TMEM117: variants seen among roughly 807,000 people sequenced by gnomAD.
The protein encoded by TMEM117 is transmembrane protein 117.
TMEM117 carries 27 observed loss-of-function variants against 52.4 expected under a neutral mutation model. The ratio of observed to expected loss-of-function variants is 0.51; its 90% CI spans 0.38 to 0.71. The LOEUF (loss-of-function observed/expected upper bound fraction) is 0.71, where lower values mean the gene tolerates loss of function less well. Among genes scored for constraint, TMEM117 ranks in the 30% least tolerant of loss-of-function variants. TMEM117 has a pLI of 0.00. For synonymous variants in TMEM117, 215 were observed against 206.3 expected (o/e 1.04, Z -0.36); for missense variants, 556 against 630.5 (o/e 0.88, Z 1.26).
chr12:44,235,820 C>G (rs1419607810), intron 5 of TMEM117, among the ~76,000 whole-genome samples: 12 of 151,666 alleles, frequency 7.9e-5, no homozygotes, highest in Admixed American at 7.9e-4. Flanking sequence ...TATAGTCATT[C>G]CAAGGTAGTC....
intron 3 of TMEM117, among the ~76,000 whole-genome samples, chr12:43,971,335 T>C (rs2137691927): frequency 6.6e-6 from 1 of 152,326 alleles, no homozygotes; most frequent in East Asian, 1.9e-4. Flanking sequence ...CTTATCATTG[T>C]CTTCAAAATT....
At chr12:44,214,138 ATT>A (rs773352634) in intron 5 of TMEM117, among the ~76,000 whole-genome samples, 5,850 of 98,754 alleles carry the variant, frequency 0.059, 176 homozygotes, top group Middle Eastern at 0.13. Context: ...TTTTTTTTTA[ATT>A]TTTTTTTTTT....
At chr12:44,129,312 C>G (rs1326655895) in intron 3 of TMEM117, among the ~76,000 whole-genome samples, 2 of 152,174 alleles carry the variant, frequency 1.3e-5, no homozygotes, top group East Asian at 1.9e-4. Flanking sequence ...TTGGAGACGT[C>G]TCATCATTCT....
chr12:44,141,565 T>C (rs1037584606), intron 3 of TMEM117, among the ~76,000 whole-genome samples: 1 of 152,138 alleles, frequency 6.6e-6, no homozygotes, highest in Non-Finnish European at 1.5e-5. Context: ...ACAGGGAATA[T>C]ACCCTAAAAT....
At chr12:44,277,249 A>T (rs1950525582) in intron 5 of TMEM117, among the ~76,000 whole-genome samples, 1 of 152,094 alleles carries the variant, frequency 6.6e-6, no homozygotes, top group Non-Finnish European at 1.5e-5. Flanking sequence ...AATCCTTCTT[A>T]GTTGATCTTA....
the TMEM117 span, among the ~76,000 whole-genome samples, chr12:43,822,984 T>C: frequency 5.9e-5 from 9 of 152,180 alleles, no homozygotes; most frequent in Non-Finnish European, 1.2e-4. Context: ...ATTAGACTTA[T>C]TGTACAAATG....
At chr12:44,022,629 A>AG (rs1291732091) in intron 3 of TMEM117, among the ~76,000 whole-genome samples, 1 of 152,180 alleles carries the variant, frequency 6.6e-6, no homozygotes, top group African/African-American at 2.4e-5. Flanking sequence ...GATGTTGAGG[A>AG]GGGGGTGATA....
At chr12:44,336,275 A>G (rs1471870429) in intron 6 of TMEM117, among the ~76,000 whole-genome samples, 1 of 152,052 alleles carries the variant, frequency 6.6e-6, no homozygotes, top group East Asian at 1.9e-4. Flanking sequence ...GAAGAGAATA[A>G]TAATTCAGTA....
At chr12:43,977,076 T>C (rs1043808025) in intron 3 of TMEM117, among the ~76,000 whole-genome samples, 1 of 152,126 alleles carries the variant, frequency 6.6e-6, no homozygotes, top group African/African-American at 2.4e-5. Flanking sequence ...ATCTAAGAGA[T>C]GAGCCTAATA....
At chr12:44,359,246 CAA>C (rs1016196671) in intron 6 of TMEM117, among the ~76,000 whole-genome samples, 2 of 149,216 alleles carry the variant, frequency 1.3e-5, no homozygotes, top group African/African-American at 2.5e-5. Context: ...GAGAAAATAA[CAA>C]AGTGTCTAGA....
chr12:44,283,496 G>C (rs1390444131), intron 5 of TMEM117, among the ~76,000 whole-genome samples: 1 of 152,106 alleles, frequency 6.6e-6, no homozygotes, highest in East Asian at 1.9e-4. Flanking sequence ...AAATTTGACT[G>C]CCCCACTGGA....
At chr12:43,925,609 C>A (rs1363002212) in intron 2 of TMEM117, among the ~76,000 whole-genome samples, 2 of 152,156 alleles carry the variant, frequency 1.3e-5, no homozygotes, top group Non-Finnish European at 2.9e-5. Flanking sequence ...AGGGTTTCCA[C>A]ATTTATAAGC....
At chr12:43,892,535 G>A (rs1303248475) in intron 2 of TMEM117, among the ~76,000 whole-genome samples, 2 of 152,184 alleles carry the variant, frequency 1.3e-5, no homozygotes, top group African/African-American at 4.8e-5. Context: ...GTTCCCAGAT[G>A]CCAGCCAAGG....
At chr12:44,259,451 A>G (rs1950296818) in intron 5 of TMEM117, among the ~76,000 whole-genome samples, 1 of 152,162 alleles carries the variant, frequency 6.6e-6, no homozygotes, top group Non-Finnish European at 1.5e-5. Flanking sequence ...CTCACTGCGC[A>G]AATACTTTTC....
intron 3 of TMEM117, among the ~76,000 whole-genome samples, chr12:44,006,670 G>A (rs1020441000): frequency 6.6e-6 from 1 of 152,096 alleles, no homozygotes; most frequent in African/African-American, 2.4e-5. Flanking sequence ...GATGGCTGGG[G>A]GCGGGGAAAC....
intron 3 of TMEM117, chr12:44,010,090 A>T: frequency 2.2e-6 from 1 of 464,804 alleles, no homozygotes; most frequent in Admixed American, 2.2e-5. Flanking sequence ...TCTCCCACAT[A>T]GCCCCCATCT....
chr12:43,958,502 T>TTTTGAAAATAAATGTTACTATTTA (rs199853969), intron 3 of TMEM117, among the ~76,000 whole-genome samples: 30 of 152,310 alleles, frequency 2.0e-4, no homozygotes, highest in African/African-American at 7.0e-4. Flanking sequence ...ATACAGGCAA[T>TTTTGAAAATAAATGTTACTATTTA]TTTGAAAATA....
rs201903071 is a variant in TMEM117, at chr12:44,388,350, G to C, written c.1223G>C (p.Gly408Ala). Residue 408 changes from glycine to alanine, a missense_variant, in exon 8 of 8, where the codon GGA becomes GCA. Physicochemically the swap from Gly to Ala is moderately conservative, Grantham distance 60. Around this residue, in one of 3 missense-constraint regions of TMEM117, gnomAD observed 206 missense variants for 211.1 expected, o/e 0.98. Coordinates refer to ENST00000266534, the MANE Select transcript of TMEM117 (RefSeq NM_032256.3). ...AGCCTGATAGCCTTTGTGTGGTTTG[G>C]ATTCTTTATTTGGTTCTTTGGACGA... is the stretch of plus-strand genomic sequence containing the variant. ...VPSLIAFVWF[G>A]FFIWFFGRFL... 1.1e-5 allele frequency: 18 copies of C among 1,613,490 alleles called. 1 individual carries two copies. In the South Asian group the frequency reaches 1.6e-4, roughly 15 times the overall value.
rs151170731 is a variant in TMEM117 at position 43,846,850 on chromosome 12, T to TAC, written c.277+1932_277+1933dup. ...GAATAAATAAATAAATAACTATCCG[T>TAC]ACACACACACATACACGTAGTATTA... On this transcript the variant is annotated intron_variant, in intron 2 of 7. Transcript: ENST00000266534. Among the ~76,000 whole-genome samples the TAC allele has an allele frequency of 8.7e-3, 1,323 of 152,230 alleles. 36 individuals are homozygous for TAC. Among genetic ancestry groups the TAC allele is most frequent in the East Asian group, 0.067 (346 of 5,188 alleles).
Sources: allele counts gnomAD v4.1 joint callset (sites outside exome capture counted in the v4.1 genomes callset), GRCh38; gene constraint gnomAD v4.1.1; regional missense constraint gnomAD v4.1.1; transcripts MANE v1.5; gene names NCBI Gene and HGNC (gene_info 2026-07-23, HGNC 2026-07-21).